STYK1: variants seen among roughly 807,000 people sequenced by gnomAD.
The protein encoded by STYK1 is tyrosine-protein kinase STYK1.
A neutral mutation model predicts 48.1 loss-of-function variants in STYK1; 46 were observed. The ratio of observed to expected loss-of-function variants is 0.96; its 90% CI spans 0.75 to 1.22. The LOEUF (loss-of-function observed/expected upper bound fraction) is 1.22, where lower values mean the gene tolerates loss of function less well. STYK1 is among the 50% of genes most tolerant of loss of function. STYK1 has a pLI of 0.00. For synonymous variants in STYK1, 188 were observed against 189.0 expected (o/e 0.99, Z 0.04); for missense variants, 527 against 521.1 (o/e 1.01, Z -0.11).
At chr12:10,665,829 C>T (rs891410674) in intron 1 of STYK1, among the ~76,000 whole-genome samples, 2 of 152,112 alleles carry the variant, frequency 1.3e-5, no homozygotes, top group Non-Finnish European at 2.9e-5. Context: ...GATATCAGCC[C>T]CAAGGTAAGT....
Position 10,648,720 on chromosome 12 carries a change from C to T in STYK1, c.-194-11524G>A, listed in dbSNP as rs1391946079. On this transcript the variant is annotated intron_variant, in intron 1 of 10. Coordinates refer to ENST00000075503, the MANE Select transcript of STYK1 (RefSeq NM_018423.3). The stretch of plus-strand genomic sequence containing the variant: ...TCTTGGCTCACTGCAGACTTGATCT[C>T]CCGGGTGGCTAATTTTTAATTTTTT... Among the ~76,000 whole-genome samples, 3 of 151,886 alleles carry T rather than the reference C, an allele frequency of 2.0e-5. 1 individual carries two copies. Among genetic ancestry groups the T allele is most frequent in the Non-Finnish European group, 4.4e-5 (3 of 67,972 alleles).
intron 1 of STYK1, among the ~76,000 whole-genome samples, chr12:10,670,685 A>G (rs1034557600): frequency 1.3e-5 from 2 of 151,654 alleles, no homozygotes; most frequent in Non-Finnish European, 2.9e-5. Context: ...GCTACAGTTA[A>G]TAACTATGTA....
chr12:10,628,675 C>T (rs1947387023), intron 6 of STYK1, among the ~76,000 whole-genome samples: 1 of 152,056 alleles, frequency 6.6e-6, no homozygotes, highest in Admixed American at 6.5e-5. Context: ...ACTAGGGAAA[C>T]AGGTAGCACT....
At chr12:10,632,201 T>TA (rs56187392) in intron 4 of STYK1, among the ~76,000 whole-genome samples, 77,815 of 146,656 alleles carry the variant, frequency 0.53, 22,428 homozygotes, top group East Asian at 0.79. Flanking sequence ...TCCATCTCTT[T>TA]AAAAAAAAAA....
intron 1 of STYK1, among the ~76,000 whole-genome samples, chr12:10,667,945 G>A (rs2120821980): frequency 6.6e-6 from 1 of 152,260 alleles, no homozygotes; most frequent in Middle Eastern, 3.4e-3. Flanking sequence ...GGCTGAGGAG[G>A]TGAGAACAAC....
At chr12:10,633,561 T>C (rs935193919) in intron 4 of STYK1, among the ~76,000 whole-genome samples, 2 of 152,134 alleles carry the variant, frequency 1.3e-5, no homozygotes, top group African/African-American at 4.8e-5. Flanking sequence ...AAGACTGTTA[T>C]AATATAAAGG....
In STYK1 at chr12:10,672,197, A is replaced by T. The variant is rs150493385; in HGVS notation, c.-195+1769T>A. Among the ~76,000 whole-genome samples the T allele has an allele frequency of 2.0e-3, 301 of 152,296 alleles. 1 individual carries two copies. The highest frequency in any genetic ancestry group is 7.0e-3 in the African/African-American group (291 of 41,552). ...TAGTTTTGGATAGCCAGCCTACTGA[A>T]CTGTGAGAAAATCATTTCGTTGTTT... On this transcript the variant is annotated intron_variant, in intron 1 of 10. Coordinates refer to ENST00000075503, the MANE Select transcript of STYK1 (RefSeq NM_018423.3). The surrounding 1 kb of genome is among the most constrained non-coding windows in gnomAD (Gnocchi z 4.0).
At chr12:10,646,015 C>T (rs987127557) in intron 1 of STYK1, among the ~76,000 whole-genome samples, 1 of 152,168 alleles carries the variant, frequency 6.6e-6, no homozygotes, top group Non-Finnish European at 1.5e-5. Flanking sequence ...CACTTGGAAC[C>T]GTAAGTCCAT....
chr12:10,654,806 C>A (rs548472553), intron 1 of STYK1, among the ~76,000 whole-genome samples: 2 of 152,304 alleles, frequency 1.3e-5, no homozygotes, highest in South Asian at 4.1e-4. Flanking sequence ...AACTGCTATT[C>A]TCTTTGGATT....
chr12:10,630,083 GA>G (rs1947407866), intron 5 of STYK1, among the ~76,000 whole-genome samples: 5 of 58,670 alleles, frequency 8.5e-5, no homozygotes, highest in African/African-American at 2.6e-4. Flanking sequence ...GAGAGAGAGA[GA>G]GAGAGAGAAA....
chr12:10,650,019 C>T (rs1947644005), intron 1 of STYK1, among the ~76,000 whole-genome samples: 2 of 142,850 alleles, frequency 1.4e-5, no homozygotes, highest in South Asian at 4.6e-4. Context: ...GAGGCGGAGG[C>T]AGGAGAATGG....
At chr12:10,644,113 C>T (rs7965493) in intron 1 of STYK1, among the ~76,000 whole-genome samples, 144,288 of 152,278 alleles carry the variant, frequency 0.95, 68,822 homozygotes, top group East Asian at 1. Context: ...TGGTTCCATC[C>T]GTATAATATT....
intron 5 of STYK1, among the ~76,000 whole-genome samples, chr12:10,630,665 A>G (rs1263478818): frequency 2.6e-5 from 4 of 151,948 alleles, no homozygotes; most frequent in African/African-American, 9.7e-5. Context: ...ATTTCAATCA[A>G]TGCAGAAAAG....
intron 5 of STYK1, 95 bp from the exon 6 acceptor site, chr12:10,629,769 A>C: frequency 1.8e-5 from 25 of 1,425,900 alleles, no homozygotes; most frequent in Non-Finnish European, 2.1e-5. Context: ...GTTAATTCTC[A>C]AGGCCCCACA....
chr12:10,655,885 C>T (rs549974765), intron 1 of STYK1, among the ~76,000 whole-genome samples: 6 of 152,222 alleles, frequency 3.9e-5, no homozygotes, highest in South Asian at 4.2e-4. Flanking sequence ...ATGAGCTATA[C>T]GTATATTTAA....
chr12:10,665,116 G>A (rs1947820699), intron 1 of STYK1, among the ~76,000 whole-genome samples: 1 of 152,188 alleles, frequency 6.6e-6, no homozygotes, highest in Non-Finnish European at 1.5e-5. Context: ...TATGGGAGCT[G>A]CTTGGGCTTC....
intron 1 of STYK1, among the ~76,000 whole-genome samples, chr12:10,673,317 C>T (rs1022892909): frequency 2.6e-5 from 4 of 151,908 alleles, no homozygotes; most frequent in African/African-American, 9.7e-5. Flanking sequence ...GCGGAGGTTG[C>T]AGTGAACCGA....
intron 2 of STYK1, 105 bp from the exon 3 acceptor site, chr12:10,634,791 G>A: frequency 1.5e-6 from 1 of 650,836 alleles, no homozygotes; most frequent in East Asian, 2.8e-5. Flanking sequence ...TTAAGTAAAT[G>A]GCTACCTCTC....
rs368821361 is a variant in STYK1, at chr12:10,620,040, C to T, written c.*104G>A. On this transcript the variant is annotated 3_prime_UTR_variant, in exon 11 of 11. Coordinates refer to ENST00000075503, the MANE Select transcript of STYK1 (RefSeq NM_018423.3). ...GTAAAGGAAGATCAAGAATCCATGTCCCATTTCTCCCTTTGTGTCCCTGGG... is the reference window on the plus strand; with the variant it reads ...GTAAAGGAAGATCAAGAATCCATGTTCCATTTCTCCCTTTGTGTCCCTGGG... The T allele has an allele frequency of 2.4e-6, 3 of 1,267,274 alleles. No homozygotes were observed. The highest frequency in any genetic ancestry group is 2.3e-6 in the Non-Finnish European group (2 of 884,146). The allele number at this position is 1,267,274 out of a possible 1,614,324, so 78.5% of individuals were successfully genotyped here.
Sources: allele counts gnomAD v4.1 joint callset (sites outside exome capture counted in the v4.1 genomes callset), GRCh38; gene constraint gnomAD v4.1.1; non-coding constraint Gnocchi (gnomAD v3.1); transcripts MANE v1.5; gene names NCBI Gene and HGNC (gene_info 2026-07-23, HGNC 2026-07-21).